Variants in MTAP observed in about 807,000 individuals in gnomAD.
MTAP encodes methylthioadenosine phosphorylase.
A neutral mutation model predicts 33.6 loss-of-function variants in MTAP; 33 were observed. The observed-to-expected ratio is 0.98, with a 90% confidence interval of 0.74 to 1.31. The LOEUF is 1.31. Among genes scored for constraint, MTAP ranks in the 40% most tolerant of loss-of-function variants. The pLI, the probability that MTAP is intolerant of heterozygous loss-of-function variation, is 0.00. For missense variants in MTAP, 367 were observed against 360.0 expected (o/e 1.02, Z -0.16); for synonymous variants, 148 against 125.7 (o/e 1.18, Z -1.19).
intron 1 of MTAP, chr9:21,803,278 C>G (rs1260034250): frequency 1.2e-5 from 3 of 257,920 alleles, no homozygotes; most frequent in Non-Finnish European, 2.2e-5. Flanking sequence ...GCCTGCGGCC[C>G]ACGTGGGAGA....
At chr9:21,917,724 A>G (rs1210142519) in intron 1 of MTAP, among the ~76,000 whole-genome samples, 4 of 152,370 alleles carry the variant, frequency 2.6e-5, no homozygotes, top group East Asian at 3.9e-4. Flanking sequence ...CATTCAATCC[A>G]GTAATCCCAC....
At chr9:21,902,184 T>C (rs1317148912) in intron 1 of MTAP, among the ~76,000 whole-genome samples, 1 of 152,222 alleles carries the variant, frequency 6.6e-6, no homozygotes, top group Non-Finnish European at 1.5e-5. Context: ...AAAGACACAC[T>C]GAAGCATGTT....
At chr9:21,847,428 C>T (rs1378163747) in intron 5 of MTAP, among the ~76,000 whole-genome samples, 3 of 151,980 alleles carry the variant, frequency 2.0e-5, no homozygotes, top group African/African-American at 7.3e-5. Context: ...ATGATTAGAC[C>T]CAAAGATGCT....
intron 6 of MTAP, chr9:21,856,333 T>G (rs1825641660): frequency 1.3e-5 from 3 of 228,364 alleles, no homozygotes; most frequent in African/African-American, 2.3e-5. Context: ...AGGTTCTTTG[T>G]TTTTCATGAA....
intron 1 of MTAP, among the ~76,000 whole-genome samples, chr9:21,923,894 G>A (rs1396020839): frequency 1.3e-5 from 2 of 152,182 alleles, no homozygotes; most frequent in African/African-American, 2.4e-5. Flanking sequence ...ATATAGGCCA[G>A]CCCAAGGCTG....
Position 21,876,608 on chromosome 9 carries a change from C to T in MTAP, c.147+21738C>T, listed in dbSNP as rs141004532. On this transcript the variant is annotated intron_variant, in intron 1 of 1. Transcript: ENST00000577563. ...ATATGACTAACCAGTTATCCCAACACCATTTATTGAATAGGGAATCTTTTC... is the reference window on the plus strand; with the variant it reads ...ATATGACTAACCAGTTATCCCAACATCATTTATTGAATAGGGAATCTTTTC... Among the ~76,000 whole-genome samples the T allele has an allele frequency of 3.3e-5, 5 of 152,230 alleles. No homozygotes were observed. The East Asian group carries it at 5.8e-4, about 18-fold the overall frequency.
At chr9:21,884,556 G>C (rs1376784832) in intron 1 of MTAP, among the ~76,000 whole-genome samples, 1 of 152,224 alleles carries the variant, frequency 6.6e-6, no homozygotes, top group African/African-American at 2.4e-5. Flanking sequence ...CAGTTCTAAA[G>C]GCTGGGAAGT....
intron 1 of MTAP, among the ~76,000 whole-genome samples, chr9:21,806,488 G>A (rs1195937841): frequency 6.6e-6 from 1 of 152,100 alleles, no homozygotes; most frequent in Non-Finnish European, 1.5e-5. Flanking sequence ...CAGAGGCTGG[G>A]ATGCTGAGGG....
intron 6 of MTAP, among the ~76,000 whole-genome samples, chr9:21,855,217 A>G (rs1825611738): frequency 6.6e-6 from 1 of 152,182 alleles, no homozygotes; most frequent in Non-Finnish European, 1.5e-5. Context: ...AAAAAAATCT[A>G]TTAACCCTTT....
chr9:21,817,971 T>C (rs577278487), intron 3 of MTAP, 64 bp from the exon 4 acceptor site: 22 of 1,471,146 alleles, frequency 1.5e-5, no homozygotes, highest in South Asian at 2.8e-5. Context: ...TTTTCTAGAC[T>C]CTAGGAGAAA....
chr9:21,844,697 C>A (rs1587239421), intron 5 of MTAP, among the ~76,000 whole-genome samples: 1 of 152,024 alleles, frequency 6.6e-6, no homozygotes, highest in East Asian at 1.9e-4. Flanking sequence ...TAATTAAAAC[C>A]CTCAGCAAAA....
intron 1 of MTAP, among the ~76,000 whole-genome samples, chr9:21,808,649 G>A (rs535741119): frequency 6.6e-6 from 1 of 151,444 alleles, no homozygotes; most frequent in South Asian, 2.1e-4. Context: ...CAGTTCTGGA[G>A]TCCACAAATC....
chr9:21,915,238 G>A (rs1345321063), intron 1 of MTAP, among the ~76,000 whole-genome samples: 1 of 151,208 alleles, frequency 6.6e-6, no homozygotes, highest in Non-Finnish European at 1.5e-5. Flanking sequence ...ACAGGCACCC[G>A]CCACCACGCC....
chr9:21,814,211 G>A (rs1295500455), intron 1 of MTAP, among the ~76,000 whole-genome samples: 5 of 152,056 alleles, frequency 3.3e-5, no homozygotes, highest in African/African-American at 1.2e-4. Flanking sequence ...CTTTTTTTGT[G>A]TGTGTGTTTT....
At chr9:21,919,863 T>C (rs919308356) in intron 1 of MTAP, among the ~76,000 whole-genome samples, 2 of 152,120 alleles carry the variant, frequency 1.3e-5, no homozygotes, top group Admixed American at 1.3e-4. Context: ...AAAAAAAAAG[T>C]GTGGCTTGCT....
chr9:21,869,000 A>G (rs1825896118), downstream of MTAP, among the ~76,000 whole-genome samples: 2 of 152,106 alleles, frequency 1.3e-5, no homozygotes, highest in South Asian at 4.1e-4. Context: ...TCATTGTCTT[A>G]TGCACCAGAC....
downstream of MTAP, chr9:21,934,356 AC>A (rs2131053383): frequency 6.6e-6 from 1 of 152,372 alleles, no homozygotes; most frequent in African/African-American, 2.4e-5. This position sits in a 1 kb window ranked among gnomAD's most constrained non-coding sequence, Gnocchi z 5.0. Context: ...ATATAGAAGT[AC>A]GGAGTCCTTC....
chr9:21,849,989 T>C (rs545752884), intron 5 of MTAP, among the ~76,000 whole-genome samples: 2 of 152,358 alleles, frequency 1.3e-5, no homozygotes, highest in East Asian at 3.9e-4. Flanking sequence ...CAGTATACCT[T>C]GACTGTCCTA....
At chr9:21,806,136 C>T (rs1166569780) in intron 1 of MTAP, among the ~76,000 whole-genome samples, 1 of 152,052 alleles carries the variant, frequency 6.6e-6, no homozygotes, top group African/African-American at 2.4e-5. Context: ...AAAATGATTA[C>T]TCTGGCTGTT....
Sources: gnomAD v4.1 joint callset for allele counts (sites outside exome capture counted in the v4.1 genomes callset) on GRCh38, gnomAD v4.1.1 for gene constraint, Gnocchi (gnomAD v3.1) non-coding constraint, MANE v1.5 for transcripts, NCBI Gene and HGNC (gene_info 2026-07-23, HGNC 2026-07-21) for gene names.